GALK2: variants seen among roughly 807,000 people sequenced by gnomAD.
GALK2 encodes N-acetylgalactosamine kinase.
A neutral mutation model predicts 52.4 loss-of-function variants in GALK2; 36 were observed. That is an observed-to-expected ratio of 0.69 (90% CI 0.53 to 0.91). The LOEUF is 0.91. Ranked by LOEUF, GALK2 falls within the 40% of genes least tolerant of loss-of-function variation. GALK2 has a pLI of 0.00. For synonymous variants in GALK2, 176 were observed against 199.1 expected (o/e 0.88, Z 0.98); for missense variants, 579 against 559.1 (o/e 1.04, Z -0.36).
chr15:49,318,973 C>T (rs780422183), intron 8 of GALK2: 8 of 442,218 alleles, frequency 1.8e-5, no homozygotes, highest in African/African-American at 4.3e-5. Flanking sequence ...TTTTTTGAGA[C>T]GGAGTCGTGC....
chr15:49,247,568 G>A (rs2091411551), intron 5 of GALK2, among the ~76,000 whole-genome samples: 3 of 152,192 alleles, frequency 2.0e-5, no homozygotes, highest in Admixed American at 6.5e-5. Flanking sequence ...AAAGTGTAAG[G>A]TATTTTATAT....
chr15:49,302,011 A>C (rs2035157496), intron 8 of GALK2, among the ~76,000 whole-genome samples: 1 of 152,222 alleles, frequency 6.6e-6, no homozygotes, highest in African/African-American at 2.4e-5. Context: ...ATCTCACAAC[A>C]ACCCTGGGGC....
intron 3 of GALK2, chr15:49,354,063 G>A (rs1411243025): frequency 1.3e-5 from 2 of 152,122 alleles, no homozygotes; most frequent in African/African-American, 4.8e-5. Context: ...TTTTTTCACT[G>A]TTGACAATTT....
intron 3 of GALK2, among the ~76,000 whole-genome samples, chr15:49,231,920 C>T (rs527868251): frequency 1.8e-4 from 28 of 152,296 alleles, no homozygotes; most frequent in Non-Finnish European, 2.1e-4. Context: ...CATGCACCTG[C>T]GGCTTTTACA....
At chr15:49,333,746 C>T (rs2039223556), downstream of GALK2, among the ~76,000 whole-genome samples, 1 of 152,186 alleles carries the variant, frequency 6.6e-6, no homozygotes, top group South Asian at 2.1e-4. Context: ...TTGTCTGATA[C>T]TTCTTATTCT....
At chr15:49,348,621 G>T (rs1021350155) in intron 3 of GALK2, among the ~76,000 whole-genome samples, 10 of 152,302 alleles carry the variant, frequency 6.6e-5, no homozygotes, top group African/African-American at 2.4e-4. Context: ...TGGTAATAGA[G>T]TAGGTTTTGT....
chr15:49,166,087 G>A (rs544693875), upstream of GALK2, among the ~76,000 whole-genome samples: 21 of 151,962 alleles, frequency 1.4e-4, no homozygotes, highest in Admixed American at 1.2e-3. Context: ...CACTGCGCCC[G>A]GCCCAAGATA....
chr15:49,178,654 A>G (rs975482403), intron 1 of GALK2: 1 of 220,744 alleles, frequency 4.5e-6, no homozygotes, highest in Non-Finnish European at 9.5e-6. Flanking sequence ...AGCTGTCAGT[A>G]CTGCTAGCAG....
At chr15:49,164,211 A>G (rs2084743380) in intron 1 of GALK2, among the ~76,000 whole-genome samples, 1 of 152,182 alleles carries the variant, frequency 6.6e-6, no homozygotes, top group South Asian at 2.1e-4. Context: ...CAGTATGATT[A>G]AGCATTGAAG....
intron 1 of GALK2, chr15:49,156,485 G>A: frequency 2.1e-6 from 1 of 485,532 alleles, no homozygotes; most frequent in Non-Finnish European, 4.0e-6. Context: ...GGGAGAGATT[G>A]CTCGTAAAGA....
intron 9 of GALK2, 83 bp downstream of exon 9, chr15:49,319,888 C>A: frequency 8.4e-7 from 1 of 1,195,870 alleles, no homozygotes; most frequent in Non-Finnish European, 1.2e-6. Flanking sequence ...ATTTCATAAT[C>A]TACGGGAATG....
At chr15:49,234,770 CT>C (rs774807789) in intron 3 of GALK2, among the ~76,000 whole-genome samples, 222 of 144,806 alleles carry the variant, frequency 1.5e-3, no homozygotes, top group Middle Eastern at 3.6e-3. Flanking sequence ...ATATCAGATA[CT>C]TTTTTTTTTT....
intron 3 of GALK2, among the ~76,000 whole-genome samples, chr15:49,358,088 C>T (rs1467760044): frequency 6.6e-6 from 1 of 151,888 alleles, no homozygotes; most frequent in Non-Finnish European, 1.5e-5. Flanking sequence ...GGACGTATTT[C>T]AAAATAATAA....
chr15:49,285,891 C>G (rs867654081), intron 7 of GALK2, among the ~76,000 whole-genome samples: 1 of 152,178 alleles, frequency 6.6e-6, no homozygotes, highest in Non-Finnish European at 1.5e-5. Flanking sequence ...GTCCATATCA[C>G]GACCTGGAGA....
chr15:49,155,882 G>GCCTCCTGGGTAAAGGAGCAGTCTCCTC (rs2084431798), exon 1 of GALK2: 1 of 1,198,386 alleles, frequency 8.3e-7, no homozygotes, highest in African/African-American at 1.5e-5. Context: ...GCAGTTTCCA[G>GCCTCCTGGGTAAAGGAGCAGTCTCCTC]CCTCCTGGGT....
downstream of GALK2, among the ~76,000 whole-genome samples, chr15:49,333,543 G>A (rs1409040090): frequency 2.0e-5 from 3 of 152,130 alleles, no homozygotes; most frequent in Non-Finnish European, 4.4e-5. Context: ...CCTTGTAACA[G>A]GTGTTGTGAA....
At chr15:49,243,902 C>T (rs1034856714) in intron 5 of GALK2, among the ~76,000 whole-genome samples, 3 of 151,726 alleles carry the variant, frequency 2.0e-5, no homozygotes, top group Non-Finnish European at 2.9e-5. Context: ...GCAGGAGGAT[C>T]GCTTGAGGCC....
intron 9 of GALK2, among the ~76,000 whole-genome samples, chr15:49,322,003 G>C (rs2036913077): frequency 6.6e-6 from 1 of 152,220 alleles, no homozygotes; most frequent in South Asian, 2.1e-4. Flanking sequence ...AGCTCTGTGA[G>C]CTGGAACTGT....
chr15:49,281,945 G>T, intron 5 of GALK2, 42 bp from the exon 6 acceptor site: 1 of 1,407,904 alleles, frequency 7.1e-7, no homozygotes, highest in Non-Finnish European at 1.0e-6. Flanking sequence ...TGAGAAATGG[G>T]TTATGACTAC....
Sources: allele counts gnomAD v4.1 joint callset (sites outside exome capture counted in the v4.1 genomes callset), GRCh38; gene constraint gnomAD v4.1.1; transcripts MANE v1.5; gene names NCBI Gene and HGNC (gene_info 2026-07-23, HGNC 2026-07-21).